The following NCAM2 variants were observed in gnomAD, a reference collection of about 807,000 sequenced individuals.
NCAM2 encodes the protein neural cell adhesion molecule 2.
A neutral mutation model predicts 98.1 loss-of-function variants in NCAM2; 30 were observed. That is an observed-to-expected ratio of 0.31 (90% CI 0.23 to 0.41). The LOEUF (loss-of-function observed/expected upper bound fraction) is 0.41, where lower values mean the gene tolerates loss of function less well. Among genes scored for constraint, NCAM2 ranks in the 10% least tolerant of loss-of-function variants. NCAM2 has a pLI of 1.00. For synonymous variants in NCAM2, 368 were observed against 342.4 expected, an observed-to-expected ratio of 1.07 and a Z score of -0.83; for missense variants, 867 against 1,005.8, an observed-to-expected ratio of 0.86 and a Z score of 1.87.
At chr21:21,303,164 G>A (rs1255128909) in intron 5 of NCAM2, among the ~76,000 whole-genome samples, 1 of 151,726 alleles carries the variant, frequency 6.6e-6, no homozygotes, top group African/African-American at 2.4e-5. Flanking sequence ...CAAACTGCTT[G>A]GGTGTAATGT....
chr21:21,197,612 T>A (rs2069051643), intron 1 of NCAM2, among the ~76,000 whole-genome samples: 1 of 152,230 alleles, frequency 6.6e-6, no homozygotes, highest in Admixed American at 6.5e-5. Context: ...GGATTTCAAA[T>A]CTAAAATCCT....
intron 1 of NCAM2, among the ~76,000 whole-genome samples, chr21:21,238,236 G>T (rs2070921255): frequency 6.6e-6 from 1 of 151,722 alleles, no homozygotes; most frequent in African/African-American, 2.4e-5. Context: ...GGATTACAGG[G>T]ATGAGCCACC....
Position 21,312,491 on chromosome 21 carries a change from CAATT to C in NCAM2, c.620-11888_620-11885del, listed in dbSNP as rs574336650. On this transcript the variant is annotated intron_variant, in intron 5 of 17. Coordinates refer to ENST00000400546, the MANE Select transcript of NCAM2 (RefSeq NM_004540.5). ...CATATAATTAAATTATATTAATACTCAATTAATCTATCCAACCTAACACTTTAAA... is the reference window on the plus strand; with the variant it reads ...CATATAATTAAATTATATTAATACTCAATCTATCCAACCTAACACTTTAAA... Among the ~76,000 whole-genome samples the C allele has an allele frequency of 5.3e-4, 81 of 151,562 alleles. No individual in the cohort carries two copies. In the South Asian group the frequency reaches 0.015, roughly 29 times the overall value.
chr21:21,324,304 A>C, intron 5 of NCAM2, 79 bp from the exon 6 acceptor site: 1 of 1,038,114 alleles, frequency 9.6e-7, no homozygotes, highest in Non-Finnish European at 1.4e-6. Flanking sequence ...TGAAAGCTTA[A>C]AATGTAGCAA....
At chr21:21,405,279 A>G (rs2076717152) in intron 9 of NCAM2, among the ~76,000 whole-genome samples, 1 of 152,092 alleles carries the variant, frequency 6.6e-6, no homozygotes, top group Non-Finnish European at 1.5e-5. Flanking sequence ...AGCATACACA[A>G]TATGCCTACT....
chr21:21,480,378 A>G (rs907758098), intron 15 of NCAM2, among the ~76,000 whole-genome samples: 3 of 151,080 alleles, frequency 2.0e-5, no homozygotes, highest in Non-Finnish European at 4.4e-5. Context: ...AAAAAAAAAA[A>G]AAAAAAAAAG....
chr21:21,310,978 C>A (rs1007528949), intron 5 of NCAM2, among the ~76,000 whole-genome samples: 2 of 152,138 alleles, frequency 1.3e-5, no homozygotes, highest in East Asian at 3.9e-4. Context: ...ATATTTCTTT[C>A]AAAATATCAC....
At position 21,089,973 on chromosome 21, in the gene NCAM2, C is replaced by A. The variant is rs559353400; in HGVS notation, c.55+91355C>A. Reference sequence around the variant, plus strand: ...GAACACCAACACAGTCACCCAGCCACACCAACAACAAATAGGTAGGGATGC... The same window carrying A: ...GAACACCAACACAGTCACCCAGCCAAACCAACAACAAATAGGTAGGGATGC... On this transcript the variant is annotated intron_variant, in intron 1 of 17. Coordinates refer to ENST00000400546, the MANE Select transcript of NCAM2 (RefSeq NM_004540.5). Among the ~76,000 whole-genome samples, 183 of 152,218 alleles carry A rather than the reference C, an allele frequency of 1.2e-3. 4 individuals are homozygous for A. Among genetic ancestry groups the A allele is most frequent in the Non-Finnish European group, 1.0e-4 (7 of 68,010 alleles).
intron 14 of NCAM2, among the ~76,000 whole-genome samples, chr21:21,474,498 A>G (rs1388605843): frequency 6.6e-6 from 1 of 151,974 alleles, no homozygotes; most frequent in Non-Finnish European, 1.5e-5. Flanking sequence ...CCCTCTAAAG[A>G]ATACTTTTTT....
chr21:21,024,386 G>T lies in NCAM2; in HGVS notation c.55+25768G>T, dbSNP rs182229114. ...TTTTGTGTTCTCCAAGAAATCCTGGGGGGGGAAAAAACAGAGAAAATTGAA... is the reference window on the plus strand; with the variant it reads ...TTTTGTGTTCTCCAAGAAATCCTGGTGGGGGAAAAAACAGAGAAAATTGAA... On this transcript the variant is annotated intron_variant, in intron 1 of 17. Transcript: ENST00000400546. 1.9e-3 allele frequency among the ~76,000 whole-genome samples: 292 copies of T among 151,992 alleles called. 2 individuals are homozygous for T. The highest frequency in any genetic ancestry group is 6.8e-3 in the African/African-American group (281 of 41,366).
At chr21:21,514,561 G>A (rs1345232961) in intron 16 of NCAM2, among the ~76,000 whole-genome samples, 3 of 150,254 alleles carry the variant, frequency 2.0e-5, no homozygotes, top group Admixed American at 2.0e-4. Context: ...TTTGTCTCTT[G>A]TCTTATTTTT....
At chr21:21,064,437 G>A (rs891013273) in intron 1 of NCAM2, among the ~76,000 whole-genome samples, 9 of 152,134 alleles carry the variant, frequency 5.9e-5, no homozygotes, top group Admixed American at 4.6e-4. Flanking sequence ...ATTAAGAATT[G>A]TACTATATCG....
At chr21:21,029,787 T>C (rs940382390) in intron 1 of NCAM2, among the ~76,000 whole-genome samples, 1 of 151,482 alleles carries the variant, frequency 6.6e-6, no homozygotes, top group African/African-American at 2.4e-5. Flanking sequence ...CACACCGCCA[T>C]GCCCAGCTAA....
chr21:21,265,954 G>A (rs1487806983), intron 1 of NCAM2, among the ~76,000 whole-genome samples: 2 of 152,034 alleles, frequency 1.3e-5, no homozygotes, highest in Non-Finnish European at 2.9e-5. Flanking sequence ...AACCAGCTCT[G>A]TTTTCAGATG....
chr21:21,348,723 G>T (rs1264701778), intron 8 of NCAM2, among the ~76,000 whole-genome samples: 11 of 151,878 alleles, frequency 7.2e-5, no homozygotes, highest in Admixed American at 6.6e-4. Flanking sequence ...TCATGATACT[G>T]GTGTACACAC....
At chr21:21,057,741 A>C (rs1271211345) in intron 1 of NCAM2, among the ~76,000 whole-genome samples, 1 of 152,146 alleles carries the variant, frequency 6.6e-6, no homozygotes, top group Non-Finnish European at 1.5e-5. Flanking sequence ...GAGGATAATA[A>C]AATGAAATTA....
At chr21:21,089,316 C>T (rs2065966979) in intron 1 of NCAM2, among the ~76,000 whole-genome samples, 1 of 152,028 alleles carries the variant, frequency 6.6e-6, no homozygotes, top group South Asian at 2.1e-4. Context: ...TTTTGCTGTT[C>T]TCAAAGTTAT....
chr21:21,508,927 A>G lies in NCAM2; in HGVS notation c.2154A>G (p.Val718=). The G allele has an allele frequency of 6.2e-7, 1 of 1,607,092 alleles. No homozygotes were observed. The highest frequency in any genetic ancestry group is 8.5e-7 in the Non-Finnish European group (1 of 1,178,558). ...CTGCACTGCTGCTAATTCTTGTGGT[A>G]ACAGACGTCAGCTGCTTCTTTATTC... ...GVAALLLILV[V]TDVSCFFIRQ... The change falls in exon 16 of 18, where the codon GTA becomes GTG. Residue 718 remains valine, a synonymous_variant. Coordinates refer to ENST00000400546, the MANE Select transcript of NCAM2 (RefSeq NM_004540.5).
At chr21:21,435,998 CT>C (rs1218116699) in intron 12 of NCAM2, among the ~76,000 whole-genome samples, 1 of 152,126 alleles carries the variant, frequency 6.6e-6, no homozygotes, top group Admixed American at 6.5e-5. Context: ...GGGACCACCC[CT>C]AACGTTGTAA....
Sources: allele counts gnomAD v4.1 joint callset (sites outside exome capture counted in the v4.1 genomes callset), GRCh38; gene constraint gnomAD v4.1.1; transcripts MANE v1.5; gene names NCBI Gene and HGNC (gene_info 2026-07-23, HGNC 2026-07-21).